The following RAI14 variants were observed in gnomAD, a reference collection of about 807,000 sequenced individuals.
The protein encoded by RAI14 is ankycorbin.
RAI14 carries 45 observed loss-of-function variants against 115.4 expected under a neutral mutation model. The observed-to-expected ratio is 0.39, with a 90% CI of 0.31 to 0.50. The LOEUF (loss-of-function observed/expected upper bound fraction) is 0.50. Ranked by LOEUF, RAI14 falls within the 20% of genes least tolerant of loss-of-function variation. RAI14 has a pLI of 0.85. For synonymous variants in RAI14, 371 were observed against 415.4 expected (o/e 0.89, Z 1.30); for missense variants, 939 against 1,131.2 (o/e 0.83, Z 2.44).
chr5:34,793,304 A>G (rs1580278856), intron 3 of RAI14, among the ~76,000 whole-genome samples: 1 of 152,318 alleles, frequency 6.6e-6, no homozygotes, highest in African/African-American at 2.4e-5. Context: ...GACTGCATTT[A>G]CCAATGTACA....
rs1453559281 is a variant in RAI14, at chr5:34,766,127, G to A, written c.167+8529G>A. ...GGCAGAAGTTTGCTGCAGGGGTGGG[G>A]TGCACATGGAGAACCTCTGCTAGGG... On this transcript the variant is annotated intron_variant, in intron 3 of 17. Transcript: ENST00000265109. Among the ~76,000 whole-genome samples the A allele has an allele frequency of 2.6e-5, 4 of 152,248 alleles. No individual in the cohort carries two copies. In the South Asian group the frequency reaches 8.3e-4, roughly 32 times the overall value.
chr5:34,757,440 G>T, intron 2 of RAI14, 28 bp from the exon 3 acceptor site: 1 of 1,610,878 alleles, frequency 6.2e-7, no homozygotes, highest in Non-Finnish European at 8.5e-7. Context: ...TGTTGTTCAT[G>T]ACCTCTGTTT....
intron 2 of RAI14, among the ~76,000 whole-genome samples, chr5:34,739,580 T>A (rs779354467): frequency 3.3e-4 from 50 of 152,156 alleles, no homozygotes; most frequent in Non-Finnish European, 5.9e-4. Context: ...TTGGGGGCAG[T>A]TGGGGCAAAA....
At chr5:34,731,701 TAAAG>T (rs142379980) in intron 2 of RAI14, among the ~76,000 whole-genome samples, 1,718 of 152,150 alleles carry the variant, frequency 0.011, 28 homozygotes, top group African/African-American at 0.039. Flanking sequence ...GAAAAAAAAA[TAAAG>T]AAATGAATAG....
chr5:34,817,358 A>T (rs540924363), intron 12 of RAI14, among the ~76,000 whole-genome samples: 1 of 151,974 alleles, frequency 6.6e-6, no homozygotes, highest in African/African-American at 2.4e-5. Context: ...AGGATTGAGG[A>T]TGTTGCAGAA....
intron 7 of RAI14, among the ~76,000 whole-genome samples, chr5:34,810,665 C>T (rs578193905): frequency 6.6e-6 from 1 of 152,240 alleles, no homozygotes; most frequent in South Asian, 2.1e-4. Flanking sequence ...CTTCCTTTCT[C>T]CAGCACCGTC....
At chr5:34,752,749 G>GTGTATATATATA (rs371462831) in intron 2 of RAI14, among the ~76,000 whole-genome samples, 2 of 107,056 alleles carry the variant, frequency 1.9e-5, no homozygotes, top group African/African-American at 7.5e-5. Context: ...GTGTGTGTGT[G>GTGTATATATATA]TATATATATA....
intron 14 of RAI14, 87 bp downstream of exon 14, chr5:34,821,937 T>G: frequency 1.5e-6 from 1 of 661,812 alleles, no homozygotes; most frequent in Middle Eastern, 3.0e-4. Context: ...GTTTTAAATG[T>G]GTACATTAGT....
At chr5:34,694,218 C>T (rs182003805) in intron 2 of RAI14, among the ~76,000 whole-genome samples, 4 of 152,184 alleles carry the variant, frequency 2.6e-5, no homozygotes, top group African/African-American at 9.7e-5. Flanking sequence ...CATTAATTAC[C>T]TGATCATTTT....
chr5:34,748,791 G>A (rs769269453), intron 2 of RAI14, among the ~76,000 whole-genome samples: 9 of 148,688 alleles, frequency 6.1e-5, no homozygotes, highest in Middle Eastern at 3.2e-3. Context: ...GGGAGACTCC[G>A]TCTCTACAAA....
chr5:34,768,763 C>T (rs563498071), intron 3 of RAI14, among the ~76,000 whole-genome samples: 125 of 152,190 alleles, frequency 8.2e-4, no homozygotes, highest in African/African-American at 3.0e-3. Flanking sequence ...CCGAGACGGG[C>T]AGATCGCTTG....
chr5:34,688,255 A>G, intron 2 of RAI14: 1 of 1,547,510 alleles, frequency 6.5e-7, no homozygotes, highest in Non-Finnish European at 8.7e-7. Flanking sequence ...AAAGGCAATT[A>G]AATGGAAAAT....
chr5:34,721,813 C>T (rs547976913), intron 2 of RAI14, among the ~76,000 whole-genome samples: 97 of 152,216 alleles, frequency 6.4e-4, no homozygotes, highest in Admixed American at 1.2e-3. Flanking sequence ...TGGGTTCAAG[C>T]GGTTCTCCTG....
At chr5:34,801,280 C>T (rs773564770) in intron 4 of RAI14, among the ~76,000 whole-genome samples, 19 of 152,216 alleles carry the variant, frequency 1.2e-4, no homozygotes, top group East Asian at 1.9e-4. Flanking sequence ...AAAATCTCTC[C>T]GTACAGCTGA....
intron 4 of RAI14, among the ~76,000 whole-genome samples, chr5:34,798,349 T>TG (rs1272803896): frequency 8.3e-6 from 1 of 120,530 alleles, no homozygotes; most frequent in Non-Finnish European, 1.9e-5. Flanking sequence ...AGAATAAGTT[T>TG]TTTTTTTTTT....
chr5:34,779,241 T>G (rs1751291486), intron 3 of RAI14, among the ~76,000 whole-genome samples: 1 of 152,100 alleles, frequency 6.6e-6, no homozygotes, highest in African/African-American at 2.4e-5. Flanking sequence ...TAAGAGCTAT[T>G]TATGACAAAC....
At chr5:34,662,721 A>ATTTT (rs746930489) in intron 1 of RAI14, among the ~76,000 whole-genome samples, 24,341 of 91,732 alleles carry the variant, frequency 0.27, 4,924 homozygotes, top group Non-Finnish European at 0.34. Context: ...ATTTAAACAG[A>ATTTT]TTTTTTTTTT....
intron 2 of RAI14, among the ~76,000 whole-genome samples, chr5:34,704,175 G>A (rs1740405457): frequency 6.6e-6 from 1 of 152,182 alleles, no homozygotes. Context: ...TACCAGGAAA[G>A]CTTCTTAAAC....
At chr5:34,681,982 A>C (rs1744421559) in intron 1 of RAI14, among the ~76,000 whole-genome samples, 1 of 151,144 alleles carries the variant, frequency 6.6e-6, no homozygotes, top group South Asian at 2.1e-4. Context: ...CAGCCTCGGC[A>C]GTATCTGGGA....
Sources: allele counts gnomAD v4.1 joint callset (sites outside exome capture counted in the v4.1 genomes callset), GRCh38; gene constraint gnomAD v4.1.1; transcripts MANE v1.5; gene names NCBI Gene and HGNC (gene_info 2026-07-23, HGNC 2026-07-21).